The following ADARB2 variants were observed in gnomAD, a reference collection of about 807,000 sequenced individuals.
The protein encoded by ADARB2 is inactive double-stranded RNA-specific editase B2.
ADARB2 carries 25 observed loss-of-function variants against 62.2 expected under a neutral mutation model. The ratio of observed to expected loss-of-function variants is 0.40; its 90% CI spans 0.29 to 0.56. The LOEUF is 0.56. Among genes scored for constraint, ADARB2 ranks in the 20% least tolerant of loss-of-function variants. The pLI is 0.43. For missense variants in ADARB2, 1,071 were observed against 1,077.4 expected (o/e 0.99, Z 0.08); for synonymous variants, 572 against 500.8 (o/e 1.14, Z -1.90).
At chr10:1,585,148 T>C (rs1260360779) in intron 1 of ADARB2, among the ~76,000 whole-genome samples, 1 of 152,066 alleles carries the variant, frequency 6.6e-6, no homozygotes, top group Non-Finnish European at 1.5e-5. Flanking sequence ...TGTAGGTTCA[T>C]CGACTACAAC....
chr10:1,665,051 C>T (rs990308183), intron 1 of ADARB2, among the ~76,000 whole-genome samples: 14 of 152,064 alleles, frequency 9.2e-5, no homozygotes, highest in African/African-American at 3.4e-4. Flanking sequence ...GGGAAGGAGC[C>T]CCCGTATTTT....
At chr10:1,315,072 A>C (rs1302862469) in intron 3 of ADARB2, among the ~76,000 whole-genome samples, 4 of 152,192 alleles carry the variant, frequency 2.6e-5, no homozygotes, top group Non-Finnish European at 5.9e-5. Flanking sequence ...GGTCCTGGGC[A>C]GGGAGCCCTG....
chr10:1,478,209 G>A (rs1046686666), intron 1 of ADARB2, among the ~76,000 whole-genome samples: 1 of 152,214 alleles, frequency 6.6e-6, no homozygotes, highest in African/African-American at 2.4e-5. Flanking sequence ...CAGGCGTGAT[G>A]TTATTCTCTT....
intron 1 of ADARB2, among the ~76,000 whole-genome samples, chr10:1,646,539 G>A (rs914949265): frequency 2.6e-5 from 4 of 152,210 alleles, no homozygotes; most frequent in African/African-American, 7.2e-5. Context: ...GTGGCTGCAC[G>A]GTGAACTCAC....
At chr10:1,383,542 T>C (rs965047475) in intron 1 of ADARB2, among the ~76,000 whole-genome samples, 26 of 152,168 alleles carry the variant, frequency 1.7e-4, no homozygotes, top group African/African-American at 5.5e-4. Context: ...TTCATCGCCT[T>C]CCCCAGAATG....
At chr10:1,521,309 C>T (rs1295262522) in intron 1 of ADARB2, among the ~76,000 whole-genome samples, 1 of 152,176 alleles carries the variant, frequency 6.6e-6, no homozygotes, top group African/African-American at 2.4e-5. Flanking sequence ...GCCCAATGGA[C>T]TCAGGTGTGG....
chr10:1,392,435 G>A (rs1832578328), intron 1 of ADARB2, among the ~76,000 whole-genome samples: 4 of 152,096 alleles, frequency 2.6e-5, no homozygotes, highest in Admixed American at 1.3e-4. Context: ...CTGTATATTC[G>A]AACAGAATAC....
At chr10:1,664,877 A>G (rs182185534) in intron 1 of ADARB2, among the ~76,000 whole-genome samples, 4 of 152,262 alleles carry the variant, frequency 2.6e-5, no homozygotes, top group Admixed American at 2.6e-4. Context: ...TGCCCCACTG[A>G]GTTGCGTGGG....
intron 1 of ADARB2, among the ~76,000 whole-genome samples, chr10:1,655,993 C>A (rs1834168471): frequency 6.6e-6 from 1 of 152,188 alleles, no homozygotes; most frequent in Admixed American, 6.5e-5. Context: ...ACCTATATAT[C>A]TCGTTTATCT....
chr10:1,492,944 C>T (rs969622616), intron 1 of ADARB2, among the ~76,000 whole-genome samples: 14 of 152,276 alleles, frequency 9.2e-5, no homozygotes, highest in Middle Eastern at 3.4e-3. Context: ...AGCATCTAAT[C>T]CCCACGCACT....
At chr10:1,361,741 T>C (rs756883667) in intron 3 of ADARB2, 1 of 152,220 alleles carries the variant, frequency 6.6e-6, no homozygotes, top group Admixed American at 6.5e-5. Context: ...GGACCCTACA[T>C]TCGTGAAGAG....
chr10:1,274,764 GC>G (rs1290300700), intron 3 of ADARB2, among the ~76,000 whole-genome samples: 1 of 152,216 alleles, frequency 6.6e-6, no homozygotes, highest in African/African-American at 2.4e-5. Flanking sequence ...TTGAAGCAAC[GC>G]AACCAGTCAT....
chr10:1,694,438 T>G (rs7924155), intron 1 of ADARB2, among the ~76,000 whole-genome samples: 22,961 of 152,192 alleles, frequency 0.15, 1,897 homozygotes, highest in South Asian at 0.26. Flanking sequence ...GACACTGATT[T>G]TTCACTCTTA....
chr10:1,295,909 A>G (rs1831518568), intron 3 of ADARB2, among the ~76,000 whole-genome samples: 1 of 152,150 alleles, frequency 6.6e-6, no homozygotes, highest in African/African-American at 2.4e-5. Flanking sequence ...CTGTGTAATG[A>G]CCATCCCCAA....
intron 7 of ADARB2, chr10:1,216,502 G>A (rs542429981): frequency 7.6e-5 from 13 of 170,780 alleles, no homozygotes; most frequent in South Asian, 2.9e-4. Context: ...CGGGATGGTA[G>A]GGGAAAGGTG....
At chr10:1,222,025 T>C (rs1264532928) in intron 6 of ADARB2, among the ~76,000 whole-genome samples, 2 of 152,220 alleles carry the variant, frequency 1.3e-5, no homozygotes, top group Non-Finnish European at 2.9e-5. Context: ...TAGTTTACAG[T>C]CCCACCAACA....
intron 4 of ADARB2, among the ~76,000 whole-genome samples, chr10:1,260,905 T>C (rs370657698): frequency 3.4e-5 from 5 of 146,110 alleles, no homozygotes; most frequent in Admixed American, 2.1e-4. Context: ...TCAAACTATA[T>C]TACAAGGCTA....
chr10:1,711,168 G>A (rs981388619), intron 1 of ADARB2, among the ~76,000 whole-genome samples: 3 of 152,150 alleles, frequency 2.0e-5, no homozygotes, highest in Non-Finnish European at 4.4e-5. Flanking sequence ...GGAAGCTCAG[G>A]GCTGGATCTC....
Position 1,318,242 on chromosome 10 carries a change from C to T in ADARB2, c.1077+44786G>A, listed in dbSNP as rs1234329206. ...CAGAGAAGCGTGTAGTCACAGGTGA[C>T]GGATCCTGTAACAGGAACGTGGTAA... On this transcript the variant is annotated intron_variant, in intron 3 of 9. Transcript: ENST00000381312. 4.6e-5 allele frequency among the ~76,000 whole-genome samples: 7 copies of T among 152,200 alleles called. No homozygotes were observed. The South Asian group carries it at 6.2e-4, about 14-fold the overall frequency.
Sources: gnomAD v4.1 joint callset for allele counts (sites outside exome capture counted in the v4.1 genomes callset) on GRCh38, gnomAD v4.1.1 for gene constraint, MANE v1.5 for transcripts, NCBI Gene and HGNC (gene_info 2026-07-23, HGNC 2026-07-21) for gene names.